The following MPDZ variants were observed in gnomAD, a reference collection of about 807,000 sequenced individuals.
MPDZ encodes multiple PDZ domain crumbs cell polarity complex component, also known as multiple PDZ domain protein.
In MPDZ, 234 loss-of-function variants were observed where a neutral mutation model predicts 239.1. The ratio of observed to expected loss-of-function variants is 0.98; its 90% CI spans 0.88 to 1.09. MPDZ has a LOEUF of 1.09. Among genes scored for constraint, MPDZ ranks in the 50% least tolerant of loss-of-function variants. The pLI, the probability that MPDZ is intolerant of heterozygous loss-of-function variation, is 0.00. For synonymous variants in MPDZ, 1,048 were observed against 881.3 expected (o/e 1.19, Z -3.35); for missense variants, 3,175 against 2,510.0 (o/e 1.26, Z -5.66).
Position 13,109,187 on chromosome 9 carries a change from C to T in MPDZ, c.5943-128G>A, listed in dbSNP as rs182480993. On this transcript the variant is annotated intron_variant, in intron 45 of 46. Coordinates refer to ENST00000319217, the MANE Select transcript of MPDZ (RefSeq NM_001378778.1). ...TTTGTTACTGACAAGGAGTATATTA[C>T]GGGTATTTTTGAGATGCTTAAATTG... 6.9e-5 allele frequency: 55 copies of T among 792,376 alleles called. No homozygotes were observed. The East Asian group carries it at 1.5e-3, about 21-fold the overall frequency. 49.1% of individuals were successfully genotyped at this position (792,376 alleles called of 1,614,324 possible).
intron 32 of MPDZ, among the ~76,000 whole-genome samples, chr9:13,130,144 A>G (rs1563862166): frequency 6.6e-6 from 1 of 152,198 alleles, no homozygotes; most frequent in African/African-American, 2.4e-5. Context: ...ATAAATCTTT[A>G]ATCAAAAATG....
intron 39 of MPDZ, among the ~76,000 whole-genome samples, chr9:13,118,225 A>G (rs987911673): frequency 6.6e-6 from 1 of 152,190 alleles, no homozygotes; most frequent in African/African-American, 2.4e-5. Flanking sequence ...TTTAGGATAT[A>G]TAATTCTTAC....
intron 5 of MPDZ, 149 bp downstream of exon 5, chr9:13,223,422 C>G (rs1446252214): frequency 1.6e-5 from 13 of 822,874 alleles, no homozygotes; most frequent in Non-Finnish European, 2.2e-5. Flanking sequence ...TTTATCACAA[C>G]AATGTTAATG....
At chr9:13,175,932 G>A in intron 20 of MPDZ, 57 bp from the exon 21 acceptor site, 1 of 1,534,708 alleles carries the variant, frequency 6.5e-7, no homozygotes, top group Non-Finnish European at 8.7e-7. Context: ...AGACTTTGGA[G>A]CGTGATTTCA....
chr9:13,267,132 C>T (rs1271017816), intron 1 of MPDZ, among the ~76,000 whole-genome samples: 2 of 152,144 alleles, frequency 1.3e-5, no homozygotes, highest in Non-Finnish European at 2.9e-5. Flanking sequence ...TCAATAACAA[C>T]TAATAATAAA....
intron 42 of MPDZ, 58 bp downstream of exon 42, chr9:13,112,953 C>T: frequency 7.0e-7 from 1 of 1,435,334 alleles, no homozygotes; most frequent in Non-Finnish European, 9.6e-7. Context: ...CAAGAAAACA[C>T]ATATGAAGAT....
At chr9:13,191,139 A>T (rs1340438260) in intron 15 of MPDZ, among the ~76,000 whole-genome samples, 1 of 152,154 alleles carries the variant, frequency 6.6e-6, no homozygotes. Context: ...GCTTTATTGT[A>T]ATAATCCCAT....
At chr9:13,277,006 T>C (rs1974357034) in intron 1 of MPDZ, among the ~76,000 whole-genome samples, 1 of 152,198 alleles carries the variant, frequency 6.6e-6, no homozygotes, top group Non-Finnish European at 1.5e-5. Flanking sequence ...AAGTTACATA[T>C]CAAGGATTTC....
chr9:13,106,796 G>T lies in MPDZ; in HGVS notation c.*169C>A. 2 of 646,246 alleles carry T rather than the reference G, an allele frequency of 3.1e-6. No individual in the cohort carries two copies. Among genetic ancestry groups the T allele is most frequent in the Non-Finnish European group, 5.1e-6 (2 of 395,408 alleles). The allele number at this position is 646,246 out of a possible 1,614,324, so 40.0% of individuals were successfully genotyped here. The stretch of plus-strand genomic sequence containing the variant: ...AAGAAAAGAAAAATGATGTTAGGTT[G>T]TCAGTAAGGAAAGCATTTCTAGATG... On this transcript the variant is annotated 3_prime_UTR_variant, in exon 47 of 47. Transcript: ENST00000319217.
intron 1 of MPDZ, among the ~76,000 whole-genome samples, chr9:13,278,098 G>T (rs183169882): frequency 1.1e-4 from 16 of 152,262 alleles, no homozygotes; most frequent in African/African-American, 3.9e-4. Context: ...AATTTCTAGG[G>T]AAACACGAAG....
chr9:13,106,786 A>G lies in MPDZ; in HGVS notation c.*179T>C, dbSNP rs1158895212. On this transcript the variant is annotated 3_prime_UTR_variant, in exon 47 of 47. Transcript: ENST00000319217. The stretch of plus-strand genomic sequence containing the variant: ...AAAATGCAAGAAGAAAAGAAAAATG[A>G]TGTTAGGTTGTCAGTAAGGAAAGCA... 1 of 600,172 alleles carries G rather than the reference A, an allele frequency of 1.7e-6. No individual in the cohort carries two copies. Among genetic ancestry groups the G allele is most frequent in the Non-Finnish European group, 2.8e-6 (1 of 357,642 alleles). The allele number at this position is 600,172 out of a possible 1,614,324, so 37.2% of individuals were successfully genotyped here. A position where few individuals can be genotyped will look rare whatever the true frequency, so the allele number is the denominator to read the frequency against.
At chr9:13,272,679 A>T (rs1356653063) in intron 1 of MPDZ, among the ~76,000 whole-genome samples, 1 of 147,168 alleles carries the variant, frequency 6.8e-6, no homozygotes, top group African/African-American at 2.5e-5. Context: ...CCAGGCTAAC[A>T]TGGTGAAACT....
chr9:13,175,909 G>T (rs141883334), intron 20 of MPDZ, 34 bp from the exon 21 acceptor site: 5 of 1,564,632 alleles, frequency 3.2e-6, no homozygotes, highest in Non-Finnish European at 4.3e-6. Flanking sequence ...CAAGTCACAT[G>T]GAAAGGGAAA....
chr9:13,266,219 C>A (rs1024186501), intron 1 of MPDZ, among the ~76,000 whole-genome samples: 1 of 152,198 alleles, frequency 6.6e-6, no homozygotes, highest in African/African-American at 2.4e-5. Context: ...TGGACAGGAA[C>A]AAAGTTTACA....
intron 26 of MPDZ, among the ~76,000 whole-genome samples, chr9:13,143,831 C>G (rs1563895987): frequency 6.6e-6 from 1 of 152,064 alleles, no homozygotes; most frequent in Non-Finnish European, 1.5e-5. Flanking sequence ...TATTTTTGCT[C>G]AATGTCTTCG....
rs142187882 is a variant in MPDZ at position 13,131,087 on chromosome 9, T to A, written c.4464+2737A>T. Among the ~76,000 whole-genome samples the A allele has an allele frequency of 6.2e-3, 948 of 152,300 alleles. 8 individuals are homozygous for A. Among genetic ancestry groups the A allele is most frequent in the African/African-American group, 0.021 (863 of 41,560 alleles). On this transcript the variant is annotated intron_variant, in intron 32 of 46. Coordinates refer to ENST00000319217, the MANE Select transcript of MPDZ (RefSeq NM_001378778.1). The stretch of plus-strand genomic sequence containing the variant: ...AAATTACTTTGTCAAATAACTATAA[T>A]TTAAAAATATATAGGATAGTAAAAA...
At chr9:13,134,518 A>G (rs1486529447) in intron 31 of MPDZ, 2 of 152,194 alleles carry the variant, frequency 1.3e-5, no homozygotes, top group East Asian at 1.9e-4. Context: ...CTATGTTTAT[A>G]TATTCATTTA....
At chr9:13,224,029 T>C (rs1052521285) in intron 4 of MPDZ, among the ~76,000 whole-genome samples, 2 of 151,454 alleles carry the variant, frequency 1.3e-5, no homozygotes, top group Admixed American at 6.6e-5. Context: ...GCAAGGCATG[T>C]CTCAAAAAAA....
intron 26 of MPDZ, among the ~76,000 whole-genome samples, 193 bp downstream of exon 26, chr9:13,147,355 T>C (rs1000830185): frequency 2.0e-5 from 3 of 152,008 alleles, no homozygotes; most frequent in Admixed American, 2.0e-4. Flanking sequence ...ACCTCAAAAG[T>C]CTTTATTAAA....
Sources: gnomAD v4.1 joint callset for allele counts (sites outside exome capture counted in the v4.1 genomes callset) on GRCh38, gnomAD v4.1.1 for gene constraint, MANE v1.5 for transcripts, NCBI Gene and HGNC (gene_info 2026-07-23, HGNC 2026-07-21) for gene names.